The following GUCY2F variants were observed in gnomAD, a reference collection of about 807,000 sequenced individuals.
The protein encoded by GUCY2F is retinal guanylyl cyclase 2.
GUCY2F carries 61 observed loss-of-function variants against 73.1 expected under a neutral mutation model. That is an observed-to-expected ratio of 0.83 (90% CI 0.68 to 1.03). The LOEUF (loss-of-function observed/expected upper bound fraction) is 1.03. Ranked by LOEUF, GUCY2F falls within the 50% of genes least tolerant of loss-of-function variation. The probability of loss-of-function intolerance (pLI) is 0.00; values close to 1 mark genes in which losing one functional copy is unlikely to be tolerated. For missense variants in GUCY2F, 912 were observed against 854.3 expected (o/e 1.07, Z -0.84); for synonymous variants, 331 against 307.8 (o/e 1.08, Z -0.79).
Position 109,375,935 on chromosome X carries a change from T to G in GUCY2F, c.3291A>C (p.Arg1097Ser). The G allele has an allele frequency of 8.3e-7, 1 of 1,210,740 alleles. No homozygotes were observed. The highest frequency in any genetic ancestry group is 1.1e-6 in the Non-Finnish European group (1 of 894,310). Residue 1097 changes from arginine (R) to serine (S), a missense_variant, in exon 19 of 20, where the codon AGA becomes AGC. Arg to Ser is a moderately radical substitution (Grantham distance 110). Transcript: ENST00000218006. ...QPVEIAAFQR[R>S]KAERQLVRNK... ...TTCTCACCAACTGCCTTTCTGCTTT[T>G]CTTCTTTGGAAGGCTGCAATCTCCA...
In GUCY2F at chrX:109,477,910, C is replaced by T. The variant is rs751268240; in HGVS notation, c.-85-1889G>A. Among the ~76,000 whole-genome samples the T allele has an allele frequency of 4.5e-5, 5 of 111,761 alleles. No homozygotes were observed. In the East Asian group the frequency reaches 1.4e-3, roughly 32 times the overall value. ...ACCACAAATAGTATGCCCCAACATT[C>T]GTATATTGGTGAAAGCTGATTTGAA... On this transcript the variant is annotated intron_variant, in intron 1 of 19. Transcript: ENST00000218006.
intron 10 of GUCY2F, among the ~76,000 whole-genome samples, chrX:109,400,969 A>G (rs1930825884): frequency 8.9e-6 from 1 of 112,144 alleles, no homozygotes. Context: ...TTCTCCCTGC[A>G]CATTTAAAAG....
intron 17 of GUCY2F, among the ~76,000 whole-genome samples, chrX:109,381,576 T>G (rs192476626): frequency 8.9e-6 from 1 of 112,197 alleles, no homozygotes; most frequent in Admixed American, 9.4e-5. Flanking sequence ...GTGATAACTC[T>G]AACAGGGAAA....
At chrX:109,402,888 T>C (rs1266132605) in intron 10 of GUCY2F, among the ~76,000 whole-genome samples, 1 of 112,013 alleles carries the variant, frequency 8.9e-6, no homozygotes, top group Non-Finnish European at 1.9e-5. Context: ...ATACCACCAA[T>C]GACTGGACTC....
At chrX:109,452,166 G>T in intron 4 of GUCY2F, 59 bp from the exon 5 acceptor site, 1 of 645,567 alleles carries the variant, frequency 1.5e-6, no homozygotes, top group Admixed American at 2.3e-5. Flanking sequence ...AGTAAATAAA[G>T]GGCACCACAG....
intron 16 of GUCY2F, among the ~76,000 whole-genome samples, chrX:109,384,711 G>A (rs1268712582): frequency 3.6e-5 from 4 of 111,781 alleles, no homozygotes; most frequent in South Asian, 3.8e-4. Flanking sequence ...AACTCCTGGG[G>A]TCCTAACTGG....
chrX:109,472,284 C>A (rs746957361), intron 2 of GUCY2F, among the ~76,000 whole-genome samples: 68 of 105,600 alleles, frequency 6.4e-4, no homozygotes, highest in Admixed American at 5.9e-3. Flanking sequence ...AAAAAAAAAA[C>A]CTCCCAATTA....
intron 7 of GUCY2F, among the ~76,000 whole-genome samples, chrX:109,434,441 G>A (rs752776761): frequency 1.2e-4 from 13 of 109,086 alleles, no homozygotes; most frequent in East Asian, 8.7e-4. Context: ...TTGTGTGAGC[G>A]TAGTACAACG....
chrX:109,381,614 T>C (rs1930312112), intron 17 of GUCY2F, among the ~76,000 whole-genome samples: 1 of 112,363 alleles, frequency 8.9e-6, no homozygotes, highest in Non-Finnish European at 1.9e-5. Context: ...TTGCCTTTCA[T>C]AGAAACTGAC....
intron 17 of GUCY2F, among the ~76,000 whole-genome samples, chrX:109,377,463 A>C (rs1930206095): frequency 8.9e-6 from 1 of 112,168 alleles, no homozygotes; most frequent in African/African-American, 3.2e-5. Context: ...CAGTACAGTT[A>C]AACACAACCA....
intron 6 of GUCY2F, among the ~76,000 whole-genome samples, chrX:109,444,334 CACCCAGCCAACTAATTAAATAT>C (rs1012327638): frequency 1.8e-5 from 2 of 112,340 alleles, no homozygotes; most frequent in African/African-American, 6.5e-5. Context: ...AATCCATTCT[CACCCAGCCAACTAATTAAATAT>C]ACCTTTCAAT....
intron 6 of GUCY2F, among the ~76,000 whole-genome samples, chrX:109,444,301 A>T (rs1198922959): frequency 8.9e-6 from 1 of 112,212 alleles, no homozygotes; most frequent in Non-Finnish European, 1.9e-5. Context: ...TTTGACTCCA[A>T]CTGCTCAGGG....
At chrX:109,478,847 C>G (rs1932744191) in intron 1 of GUCY2F, among the ~76,000 whole-genome samples, 2 of 112,350 alleles carry the variant, frequency 1.8e-5, no homozygotes, top group Admixed American at 1.9e-4. Context: ...GTTGATTGAG[C>G]CCTGTGCTAG....
Position 109,448,150 on chromosome X carries a change from T to C in GUCY2F, c.1488A>G (p.Lys496=). 9.3e-7 allele frequency: 1 copy of C among 1,078,823 alleles called. No individual in the cohort carries two copies. The highest frequency in any genetic ancestry group is 1.3e-6 in the Non-Finnish European group (1 of 775,029). The allele number at this position is 1,078,823 out of a possible 1,213,427, so 88.9% of individuals were successfully genotyped here. A position where few individuals can be genotyped will look rare whatever the true frequency, so the allele number is the denominator to read the frequency against. ...FAYFIRRRIN[K]IQLIKGPNRI... ...TATTGGGTCCTTTGATCAACTGGATTTTATTTATACGACGCCTAAAACAAA... is the reference window on the plus strand; with the variant it reads ...TATTGGGTCCTTTGATCAACTGGATCTTATTTATACGACGCCTAAAACAAA... Residue 496 remains lysine (K), a synonymous_variant, in exon 6 of 20, where the codon AAA becomes AAG. Coordinates refer to ENST00000218006, the MANE Select transcript of GUCY2F (RefSeq NM_001522.3).
chrX:109,391,389 G>A (rs1404364876), intron 14 of GUCY2F, among the ~76,000 whole-genome samples: 2 of 110,859 alleles, frequency 1.8e-5, no homozygotes, highest in African/African-American at 6.6e-5. Context: ...AAAGAGCCTC[G>A]AGTCTAATAT....
rs1255928328 is a variant in GUCY2F at position 109,435,942 on chromosome X, G to A, written c.1701+5409C>T. 2.3e-3 allele frequency among the ~76,000 whole-genome samples: 261 copies of A among 111,099 alleles called. 1 individual carries two copies. The highest frequency in any genetic ancestry group is 7.6e-3 in the African/African-American group (231 of 30,540). ...TGCTGGATTACATTTATTGATTTGC[G>A]TATATTGAACCAGCCTTGCATCCCA... On this transcript the variant is annotated intron_variant, in intron 7 of 19. Coordinates refer to ENST00000218006, the MANE Select transcript of GUCY2F (RefSeq NM_001522.3).
chrX:109,386,368 C>T (rs1412039165), intron 15 of GUCY2F, among the ~76,000 whole-genome samples: 2 of 111,028 alleles, frequency 1.8e-5, no homozygotes, highest in Non-Finnish European at 3.8e-5. Flanking sequence ...TGATCTAGGT[C>T]TTGATGGGTG....
chrX:109,438,890 G>T, intron 7 of GUCY2F, among the ~76,000 whole-genome samples: 1 of 112,761 alleles, frequency 8.9e-6, no homozygotes, highest in East Asian at 2.8e-4. Context: ...GACTCTTTGC[G>T]GTGGCGCAGA....
At position 109,402,376 on chromosome X, in the gene GUCY2F, G is replaced by T. The variant is rs374114197; in HGVS notation, c.2125+1952C>A. Among the ~76,000 whole-genome samples the T allele has an allele frequency of 1.0e-2, 971 of 97,554 alleles. 14 individuals carry two copies. The highest frequency in any genetic ancestry group is 0.034 in the African/African-American group (908 of 26,926). The allele number at this position is 97,554 out of a possible 115,157, so 84.7% of individuals were successfully genotyped here. ...GGAACTCTGAGAAGCTAGGCGTTTT[G>T]TTTTTTTTTTTTTTGAGACAGAGTC... On this transcript the variant is annotated intron_variant, in intron 10 of 19. Transcript: ENST00000218006.
Sources: gnomAD v4.1 joint callset for allele counts (sites outside exome capture counted in the v4.1 genomes callset) on GRCh38, gnomAD v4.1.1 for gene constraint, MANE v1.5 for transcripts, NCBI Gene and HGNC (gene_info 2026-07-23, HGNC 2026-07-21) for gene names.